PDE4DIP: variants seen among roughly 807,000 people sequenced by gnomAD.
The protein encoded by PDE4DIP is myomegalin.
Under a neutral mutation model 221.4 loss-of-function variants are expected in PDE4DIP, and 59 were observed. That is an observed-to-expected ratio of 0.27 (90% CI 0.22 to 0.33). The LOEUF (loss-of-function observed/expected upper bound fraction) is 0.33. Ranked by LOEUF, PDE4DIP falls within the 10% of genes least tolerant of loss-of-function variation. The probability of loss-of-function intolerance (pLI) is 1.00; values close to 1 mark genes in which losing one functional copy is unlikely to be tolerated. For synonymous variants in PDE4DIP, 404 were observed against 815.9 expected (o/e 0.50, Z 8.60); for missense variants, 1,036 against 2,154.2 (o/e 0.48, Z 10.28).
intron 21 of PDE4DIP, among the ~76,000 whole-genome samples, chr1:148,987,853 G>A (rs2062181098): frequency 6.6e-6 from 1 of 152,084 alleles, no homozygotes; most frequent in Admixed American, 6.6e-5. Flanking sequence ...GATCCCTTGA[G>A]CCCAGCAGTT....
chr1:148,960,669 T>C, exon 6 of PDE4DIP: 1 of 431,710 alleles, frequency 2.3e-6, no homozygotes, highest in East Asian at 3.1e-5. Flanking sequence ...GACTGAAGAG[T>C]TGCTGAAACA....
At chr1:148,977,663 A>G (rs1333043612) in intron 17 of PDE4DIP, among the ~76,000 whole-genome samples, 3 of 152,174 alleles carry the variant, frequency 2.0e-5, no homozygotes, top group Admixed American at 6.5e-5. Flanking sequence ...AATGGTAACC[A>G]TTCTTTTTCA....
intron 9 of PDE4DIP, 53 bp downstream of exon 12, chr1:148,962,693 AC>A (rs1482664083): frequency 2.0e-6 from 1 of 509,378 alleles, no homozygotes; most frequent in Non-Finnish European, 3.5e-6. Flanking sequence ...CCTGATCATA[AC>A]TTTTTAGCAG....
intron 1 of PDE4DIP, among the ~76,000 whole-genome samples, chr1:148,862,298 G>C (rs1229789354): frequency 1.3e-5 from 2 of 150,532 alleles, no homozygotes; most frequent in African/African-American, 4.9e-5. Flanking sequence ...TGCTACATTT[G>C]TGGAGCTTAC....
chr1:149,031,877 C>T (rs111998687), intron 43 of PDE4DIP, 67 bp from the exon 47 acceptor site: 2 of 1,508,150 alleles, frequency 1.3e-6, no homozygotes, highest in Non-Finnish European at 1.8e-6. Context: ...CTCACTCCAG[C>T]TTCAGGTAGC....
intron 1 of PDE4DIP, among the ~76,000 whole-genome samples, chr1:148,857,367 T>C (rs1156928346): frequency 2.2e-5 from 1 of 45,838 alleles, no homozygotes; most frequent in Non-Finnish European, 3.7e-5. Context: ...TTCTTTTTTT[T>C]TTTTTTTTTT....
chr1:148,905,247 G>A (rs1180596681), intron 1 of PDE4DIP, among the ~76,000 whole-genome samples: 65 of 127,206 alleles, frequency 5.1e-4, no homozygotes, highest in Middle Eastern at 3.7e-3. Flanking sequence ...GCAGTGGTGC[G>A]ATCTCGGCTC....
chr1:149,023,251 G>T (rs1289599913), intron 37 of PDE4DIP, among the ~76,000 whole-genome samples: 6 of 152,074 alleles, frequency 3.9e-5, no homozygotes, highest in Admixed American at 3.9e-4. Context: ...CTGACATGAG[G>T]ATATTCATAA....
chr1:148,985,646 A>C (rs1207459315), intron 21 of PDE4DIP: 1 of 152,204 alleles, frequency 6.6e-6, no homozygotes, highest in Non-Finnish European at 1.5e-5. Context: ...TACTAATTCT[A>C]CCCGTTTTCA....
intron 1 of PDE4DIP, among the ~76,000 whole-genome samples, chr1:148,918,657 A>ACC (rs1553460162): frequency 3.7e-5 from 4 of 106,992 alleles, no homozygotes; most frequent in Non-Finnish European, 7.7e-5. Context: ...ACACACACAC[A>ACC]CCCTAGCTGT....
At chr1:148,995,873 TAAAA>T (rs1219586276) in intron 22 of PDE4DIP, among the ~76,000 whole-genome samples, 2 of 118,632 alleles carry the variant, frequency 1.7e-5, no homozygotes, top group East Asian at 4.7e-4. Flanking sequence ...AATAATAAAA[TAAAA>T]AAATAAAAAA....
chr1:149,030,046 G>C (rs833193), intron 42 of PDE4DIP, 121 bp downstream of exon 45: 1 of 910,070 alleles, frequency 1.1e-6, no homozygotes, highest in Non-Finnish European at 1.7e-6. Context: ...CTGATTTGAT[G>C]TCCCCAAACC....
At chr1:148,821,103 G>A (rs1485801007) in intron 1 of PDE4DIP, among the ~76,000 whole-genome samples, 2 of 149,130 alleles carry the variant, frequency 1.3e-5, no homozygotes, top group African/African-American at 5.1e-5. Context: ...CGCCCGCCTC[G>A]GCCTCCCAAT....
chr1:148,955,379 CTG>C (rs2054993172), intron 5 of PDE4DIP, among the ~76,000 whole-genome samples: 1 of 151,826 alleles, frequency 6.6e-6, no homozygotes, highest in Non-Finnish European at 1.5e-5. Flanking sequence ...TACATAAAGA[CTG>C]AGAAAATAAC....
chr1:149,021,052 T>G, exon 37 of PDE4DIP: 1 of 987,598 alleles, frequency 1.0e-6, no homozygotes. Flanking sequence ...CTGGTTCTCC[T>G]GCAGCAACAG....
At chr1:149,004,332 T>C (rs868992875) in intron 26 of PDE4DIP, among the ~76,000 whole-genome samples, 3 of 151,344 alleles carry the variant, frequency 2.0e-5, no homozygotes, top group African/African-American at 7.3e-5. Context: ...TAAAATGCCA[T>C]GGATTAGTTC....
intron 5 of PDE4DIP, among the ~76,000 whole-genome samples, chr1:148,938,748 C>T (rs1383069740): frequency 2.6e-5 from 4 of 151,078 alleles, no homozygotes; most frequent in Non-Finnish European, 4.4e-5. Context: ...ATTACTATTT[C>T]CGTACAAGTG....
intron 19 of PDE4DIP, 96 bp from the exon 23 acceptor site, chr1:148,979,641 T>C: frequency 9.1e-7 from 1 of 1,096,210 alleles, no homozygotes; most frequent in Admixed American, 1.9e-5. Context: ...GATAGTGGGC[T>C]TTTTAAGTCA....
At chr1:148,954,473 T>C (rs1553499742) in intron 5 of PDE4DIP, among the ~76,000 whole-genome samples, 1 of 152,118 alleles carries the variant, frequency 6.6e-6, no homozygotes, top group Non-Finnish European at 1.5e-5. Context: ...TAATTAGAAT[T>C]AATAGTTCAT....
Sources: gnomAD v4.1 joint callset for allele counts (sites outside exome capture counted in the v4.1 genomes callset) on GRCh38, gnomAD v4.1.1 for gene constraint, MANE v1.5 for transcripts, NCBI Gene and HGNC (gene_info 2026-07-23, HGNC 2026-07-21) for gene names.